The following PLCXD3 variants were observed in gnomAD, a reference collection of about 807,000 sequenced individuals.
PLCXD3 encodes the protein PI-PLC X domain-containing protein 3.
In PLCXD3, 19 loss-of-function variants were observed where a neutral mutation model predicts 25.5. The observed-to-expected ratio is 0.75, with a 90% CI of 0.52 to 1.09. The LOEUF (loss-of-function observed/expected upper bound fraction) is 1.09, where lower values mean the gene tolerates loss of function less well. PLCXD3 is among the 50% of genes least tolerant of loss of function. PLCXD3 has a pLI of 0.00. For missense variants in PLCXD3, 411 were observed against 388.1 expected (o/e 1.06, Z -0.50); for synonymous variants, 174 against 137.6 (o/e 1.26, Z -1.85).
At chr5:41,356,123 A>G (rs1744611219) in intron 2 of PLCXD3, among the ~76,000 whole-genome samples, 1 of 152,100 alleles carries the variant, frequency 6.6e-6, no homozygotes, top group Admixed American at 6.5e-5. Flanking sequence ...AAAATTAGCC[A>G]GGCGTGGTGG....
intron 1 of PLCXD3, among the ~76,000 whole-genome samples, chr5:41,389,713 TATAATTTTTGTG>T (rs1200172635): frequency 6.6e-6 from 1 of 152,164 alleles, no homozygotes; most frequent in Non-Finnish European, 1.5e-5. Context: ...CCATGGTCAG[TATAATTTTTGTG>T]ATGAATTTGT....
At chr5:41,333,306 T>C (rs1743887110) in intron 2 of PLCXD3, among the ~76,000 whole-genome samples, 1 of 152,146 alleles carries the variant, frequency 6.6e-6, no homozygotes, top group Admixed American at 6.6e-5. Context: ...TGACAGATTT[T>C]CAAATGTGTT....
At chr5:41,367,196 G>C (rs1040440215) in intron 2 of PLCXD3, among the ~76,000 whole-genome samples, 1 of 152,030 alleles carries the variant, frequency 6.6e-6, no homozygotes, top group African/African-American at 2.4e-5. Flanking sequence ...CTGGTTTTAG[G>C]TCTTTGAAGA....
At chr5:41,424,866 T>C (rs1746916557) in intron 1 of PLCXD3, among the ~76,000 whole-genome samples, 1 of 152,174 alleles carries the variant, frequency 6.6e-6, no homozygotes, top group African/African-American at 2.4e-5. Flanking sequence ...TTGTATTCTA[T>C]ATTATCATCA....
intron 2 of PLCXD3, among the ~76,000 whole-genome samples, chr5:41,334,631 A>G: frequency 6.6e-6 from 1 of 152,202 alleles, no homozygotes; most frequent in East Asian, 1.9e-4. Context: ...AGTAATGCAG[A>G]CAAATCAAAG....
intron 1 of PLCXD3, among the ~76,000 whole-genome samples, chr5:41,426,444 C>T (rs1262381240): frequency 6.6e-6 from 1 of 151,414 alleles, no homozygotes; most frequent in Non-Finnish European, 1.5e-5. Flanking sequence ...TTAATCATGC[C>T]TGCTTTATTT....
At chr5:41,422,719 C>T (rs1487288032) in intron 1 of PLCXD3, among the ~76,000 whole-genome samples, 4 of 152,174 alleles carry the variant, frequency 2.6e-5, no homozygotes, top group Admixed American at 6.5e-5. Flanking sequence ...AGTTCCTATG[C>T]TCCTTTTGTC....
chr5:41,381,906 T>C lies in PLCXD3; in HGVS notation c.732A>G (p.Ile244Met). 3 of 1,613,324 alleles carry C rather than the reference T, an allele frequency of 1.9e-6. No homozygotes were observed. The highest frequency in any genetic ancestry group is 2.5e-6 in the Non-Finnish European group (3 of 1,179,654). The stretch of plus-strand genomic sequence containing the variant: ...CTTTGGGGGTCAGCACCACCTGAGA[T>C]ATAAAAAACGATCCCTTCTTTCTTC... ...TERRKKGSFF[I>M]SQVVLTPKAS... Residue 244 changes from isoleucine to methionine, a missense_variant, in exon 2 of 3, where the codon ATA (isoleucine) becomes ATG (methionine). Ile to Met is a conservative substitution (Grantham distance 10, BLOSUM62 1). Coordinates refer to ENST00000377801, the MANE Select transcript of PLCXD3 (RefSeq NM_001005473.3).
intron 1 of PLCXD3, among the ~76,000 whole-genome samples, chr5:41,393,049 G>A (rs950474034): frequency 3.3e-5 from 5 of 152,096 alleles, no homozygotes; most frequent in Admixed American, 2.6e-4. Context: ...AAACAATGAA[G>A]CACTTAGACA....
intron 1 of PLCXD3, among the ~76,000 whole-genome samples, chr5:41,472,800 C>A (rs983809974): frequency 6.6e-6 from 1 of 152,018 alleles, no homozygotes; most frequent in African/African-American, 2.4e-5. Context: ...CATTAGTTGA[C>A]CAACGAAAGA....
intron 1 of PLCXD3, among the ~76,000 whole-genome samples, chr5:41,418,261 A>C (rs557095655): frequency 6.6e-6 from 1 of 152,334 alleles, no homozygotes; most frequent in South Asian, 2.1e-4. Flanking sequence ...CATTAATAAG[A>C]GGAGGTCAAA....
At chr5:41,494,538 GTAATGA>G (rs1431896445) in intron 1 of PLCXD3, among the ~76,000 whole-genome samples, 1 of 152,166 alleles carries the variant, frequency 6.6e-6, no homozygotes, top group Non-Finnish European at 1.5e-5. Flanking sequence ...AAACTAATAG[GTAATGA>G]TCCAAAATAC....
chr5:41,470,096 C>T (rs1748116504), intron 1 of PLCXD3, among the ~76,000 whole-genome samples: 1 of 152,156 alleles, frequency 6.6e-6, no homozygotes, highest in South Asian at 2.1e-4. Context: ...TATAAAAACA[C>T]ACAGTGTGGA....
At chr5:41,471,279 T>A (rs952910670) in intron 1 of PLCXD3, among the ~76,000 whole-genome samples, 1 of 152,224 alleles carries the variant, frequency 6.6e-6, no homozygotes. Context: ...AGTCTTGAAT[T>A]GCCAATGCCA....
chr5:41,397,693 C>A (rs2150498570), intron 1 of PLCXD3, among the ~76,000 whole-genome samples: 1 of 152,312 alleles, frequency 6.6e-6, no homozygotes. Context: ...AAGCCACAGT[C>A]ACTCAATACC....
At chr5:41,355,291 G>A (rs1239142438) in intron 2 of PLCXD3, among the ~76,000 whole-genome samples, 1 of 152,180 alleles carries the variant, frequency 6.6e-6, no homozygotes, top group East Asian at 1.9e-4. Flanking sequence ...TGATTCTTCT[G>A]TCTTTGGAGA....
At chr5:41,434,717 G>A (rs61475946) in intron 1 of PLCXD3, among the ~76,000 whole-genome samples, 1,836 of 152,254 alleles carry the variant, frequency 0.012, 32 homozygotes, top group African/African-American at 0.042. Flanking sequence ...GAGATAATAT[G>A]TTGGAAAGGA....
intron 1 of PLCXD3, chr5:41,456,506 TG>T (rs1481018115): frequency 2.4e-6 from 2 of 820,596 alleles, no homozygotes; most frequent in African/African-American, 1.9e-5. Context: ...ACATTTATGT[TG>T]AAAAAAAAAG....
chr5:41,502,457 T>C (rs934629145), intron 1 of PLCXD3, among the ~76,000 whole-genome samples: 1 of 152,080 alleles, frequency 6.6e-6, no homozygotes. Flanking sequence ...ACTGTTAATG[T>C]GCTTTAATAC....
Sources: allele counts gnomAD v4.1 joint callset (sites outside exome capture counted in the v4.1 genomes callset), GRCh38; gene constraint gnomAD v4.1.1; transcripts MANE v1.5; gene names NCBI Gene and HGNC (gene_info 2026-07-23, HGNC 2026-07-21).